Variants in COL10A1 observed in about 807,000 individuals in gnomAD.
The protein encoded by COL10A1 is collagen alpha-1(X) chain.
A neutral mutation model predicts 18.2 loss-of-function variants in COL10A1; 10 were observed. The observed-to-expected ratio is 0.55, with a 90% CI of 0.34 to 0.93. The LOEUF (loss-of-function observed/expected upper bound fraction) is 0.93, where lower values mean the gene tolerates loss of function less well. Ranked by LOEUF, COL10A1 falls within the 40% of genes least tolerant of loss-of-function variation. COL10A1 has a pLI of 0.02. For missense variants in COL10A1, 897 were observed against 853.5 expected, an observed-to-expected ratio of 1.05 and a Z score of -0.64; for synonymous variants, 330 against 316.6, an observed-to-expected ratio of 1.04 and a Z score of -0.45.
chr6:116,166,598 AT>A, the COL10A1 span, among the ~76,000 whole-genome samples: 2 of 152,170 alleles, frequency 1.3e-5, no homozygotes, highest in African/African-American at 4.8e-5. Context: ...TTTCCCAGAT[AT>A]TTCCCTTGAG....
chr6:116,170,257 A>G, the COL10A1 span, among the ~76,000 whole-genome samples: 1 of 152,066 alleles, frequency 6.6e-6, no homozygotes, highest in African/African-American at 2.4e-5. Context: ...CCCACCAGTG[A>G]TTGGGGGGTG....
intron 1 of COL10A1, among the ~76,000 whole-genome samples, chr6:116,142,059 T>C (rs551089363): frequency 1.6e-4 from 24 of 152,242 alleles, no homozygotes; most frequent in African/African-American, 5.5e-4. Flanking sequence ...ATAGCTGATT[T>C]GTACATGGTA....
the COL10A1 span, among the ~76,000 whole-genome samples, chr6:116,217,068 G>T: frequency 2.0e-5 from 3 of 152,176 alleles, no homozygotes; most frequent in African/African-American, 7.2e-5. Context: ...CATGCAAACA[G>T]TAGTGATACA....
At position 116,119,939 on chromosome 6, in the gene COL10A1, T is replaced by C; in HGVS notation, c.*134A>G. On this transcript the variant is annotated 3_prime_UTR_variant, in exon 3 of 3. Coordinates refer to ENST00000651968, the MANE Select transcript of COL10A1 (RefSeq NM_000493.4). ...TTTTCAGGGGGAAGGTTTGTTGGTCTGATAGCTCAAATCTGTATTTCAGAA... is the reference window on the plus strand; with the variant it reads ...TTTTCAGGGGGAAGGTTTGTTGGTCCGATAGCTCAAATCTGTATTTCAGAA... The C allele has an allele frequency of 1.2e-6, 1 of 862,242 alleles. No individual in the cohort carries two copies. Among genetic ancestry groups the C allele is most frequent in the Non-Finnish European group, 1.9e-6 (1 of 530,848 alleles). The allele number at this position is 862,242 out of a possible 1,614,324, so 53.4% of individuals were successfully genotyped here. A position where few individuals can be genotyped will look rare whatever the true frequency, so the allele number is the denominator to read the frequency against.
the COL10A1 span, among the ~76,000 whole-genome samples, chr6:116,198,679 C>T: frequency 5.3e-5 from 8 of 151,986 alleles, no homozygotes; most frequent in Admixed American, 3.9e-4. Context: ...CTATGAGCTA[C>T]GATCACACCA....
chr6:116,152,274 A>G (rs1780061773), intron 1 of COL10A1, among the ~76,000 whole-genome samples: 1 of 152,230 alleles, frequency 6.6e-6, no homozygotes, highest in Non-Finnish European at 1.5e-5. Context: ...ATAATGATTA[A>G]GGTTTTAACA....
chr6:116,189,635 C>T, the COL10A1 span, among the ~76,000 whole-genome samples: 1 of 151,758 alleles, frequency 6.6e-6, no homozygotes, highest in Non-Finnish European at 1.5e-5. Flanking sequence ...ACCAGTTATG[C>T]AGACTGTTTT....
chr6:116,160,163 T>C (rs1780295191), upstream of COL10A1, among the ~76,000 whole-genome samples: 1 of 152,240 alleles, frequency 6.6e-6, no homozygotes, highest in South Asian at 2.1e-4. Context: ...AGGGTAGTTC[T>C]ACTTTTAGTT....
chr6:116,200,624 A>C, the COL10A1 span, among the ~76,000 whole-genome samples: 2 of 152,002 alleles, frequency 1.3e-5, no homozygotes, highest in African/African-American at 2.4e-5. Context: ...ATCCAGAAGG[A>C]TATTATCGAG....
the COL10A1 span, among the ~76,000 whole-genome samples, chr6:116,215,954 A>G: frequency 6.6e-6 from 1 of 152,154 alleles, no homozygotes; most frequent in Non-Finnish European, 1.5e-5. Flanking sequence ...TGGCTTGTCT[A>G]TACTCATTTA....
intron 1 of COL10A1, among the ~76,000 whole-genome samples, chr6:116,133,074 C>T (rs969931308): frequency 1.2e-4 from 18 of 152,144 alleles, no homozygotes; most frequent in African/African-American, 4.3e-4. Flanking sequence ...AAAGTTTTAA[C>T]AAGGGCTTTA....
the COL10A1 span, among the ~76,000 whole-genome samples, chr6:116,216,934 C>A: frequency 6.6e-5 from 10 of 152,024 alleles, no homozygotes; most frequent in African/African-American, 4.8e-5. Context: ...ATATTTAAAT[C>A]TCTTCTAAAT....
the COL10A1 span, among the ~76,000 whole-genome samples, chr6:116,171,070 T>C: frequency 6.6e-6 from 1 of 152,190 alleles, no homozygotes; most frequent in South Asian, 2.1e-4. Flanking sequence ...TGGCCTGTAA[T>C]ATCCTTAGAA....
upstream of COL10A1, among the ~76,000 whole-genome samples, chr6:116,159,963 G>A (rs749207794): frequency 2.6e-5 from 4 of 152,058 alleles, no homozygotes; most frequent in South Asian, 2.1e-4. Flanking sequence ...TTTTATGGCC[G>A]TGTAGTATTC....
At chr6:116,176,398 C>T in the COL10A1 span, among the ~76,000 whole-genome samples, 1 of 152,172 alleles carries the variant, frequency 6.6e-6, no homozygotes, top group Admixed American at 6.5e-5. Context: ...TCTGTTCTGG[C>T]TCAGTCTCAG....
At chr6:116,197,255 G>C in the COL10A1 span, among the ~76,000 whole-genome samples, 6 of 152,030 alleles carry the variant, frequency 3.9e-5, no homozygotes, top group Admixed American at 3.9e-4. Context: ...TGTCAGCTTT[G>C]TCCTCAACCA....
chr6:116,157,792 A>C (rs1053784806), intron 1 of COL10A1, among the ~76,000 whole-genome samples: 2 of 152,182 alleles, frequency 1.3e-5, no homozygotes, highest in African/African-American at 4.8e-5. Flanking sequence ...GGAAATCAAA[A>C]ACTGATAATA....
chr6:116,133,714 G>C (rs140116836), intron 1 of COL10A1, among the ~76,000 whole-genome samples: 2,214 of 152,188 alleles, frequency 0.015, 27 homozygotes, highest in Middle Eastern at 0.048. Flanking sequence ...TTCCCTAATA[G>C]TGCAAAGATG....
At chr6:116,203,467 A>C in the COL10A1 span, among the ~76,000 whole-genome samples, 107 of 151,992 alleles carry the variant, frequency 7.0e-4, 1 homozygote, top group Middle Eastern at 0.01. Context: ...GTAATTATGC[A>C]GTATGTATTT....
Sources: allele counts gnomAD v4.1 joint callset (sites outside exome capture counted in the v4.1 genomes callset), GRCh38; gene constraint gnomAD v4.1.1; transcripts MANE v1.5; gene names NCBI Gene and HGNC (gene_info 2026-07-23, HGNC 2026-07-21).